SLC12A8: variants seen among roughly 807,000 people sequenced by gnomAD.
SLC12A8 encodes cation-chloride cotransporter 9.
A neutral mutation model predicts 75.6 loss-of-function variants in SLC12A8; 69 were observed. That is an observed-to-expected ratio of 0.91 (90% CI 0.75 to 1.11). The LOEUF is 1.11. Among genes scored for constraint, SLC12A8 ranks in the 50% most tolerant of loss-of-function variants. The pLI, the probability that SLC12A8 is intolerant of heterozygous loss-of-function variation, is 0.00. For synonymous variants in SLC12A8, 365 were observed against 372.8 expected, an observed-to-expected ratio of 0.98 and a Z score of 0.24; for missense variants, 877 against 896.7, an observed-to-expected ratio of 0.98 and a Z score of 0.28.
chr3:125,106,485 C>G (rs370468776), intron 10 of SLC12A8, among the ~76,000 whole-genome samples: 3 of 152,080 alleles, frequency 2.0e-5, no homozygotes, highest in Non-Finnish European at 4.4e-5. Context: ...GCCACTGCAA[C>G]CTCCGCCTCC....
intron 6 of SLC12A8, among the ~76,000 whole-genome samples, chr3:125,122,431 G>A (rs1473340296): frequency 6.6e-6 from 1 of 152,096 alleles, no homozygotes; most frequent in Non-Finnish European, 1.5e-5. Context: ...CCTATTAAGA[G>A]CATAGTAAAG....
At chr3:125,144,989 C>T (rs1933738914) in intron 5 of SLC12A8, among the ~76,000 whole-genome samples, 1 of 152,192 alleles carries the variant, frequency 6.6e-6, no homozygotes, top group African/African-American at 2.4e-5. Flanking sequence ...TCTCCCCCAC[C>T]CCAAGTCCTA....
chr3:125,188,101 G>A (rs1934832176), intron 3 of SLC12A8, among the ~76,000 whole-genome samples: 1 of 152,200 alleles, frequency 6.6e-6, no homozygotes, highest in East Asian at 1.9e-4. Context: ...AGGTGTTTGG[G>A]TCATGGGGGT....
intron 8 of SLC12A8, among the ~76,000 whole-genome samples, chr3:125,111,098 C>T (rs1939175469): frequency 6.6e-6 from 1 of 152,198 alleles, no homozygotes; most frequent in South Asian, 2.1e-4. Context: ...CTCAGTGCTC[C>T]ATAGCATCCC....
intron 5 of SLC12A8, among the ~76,000 whole-genome samples, chr3:125,159,304 C>T (rs1934113210): frequency 6.6e-6 from 1 of 152,070 alleles, no homozygotes; most frequent in Admixed American, 6.6e-5. Context: ...CTATGTTGCC[C>T]AGGCTAGTCT....
At chr3:125,123,371 GAA>G (rs34868769) in intron 6 of SLC12A8, among the ~76,000 whole-genome samples, 275 of 103,890 alleles carry the variant, frequency 2.6e-3, no homozygotes, top group African/African-American at 4.3e-3. Flanking sequence ...TCCATCTCAG[GAA>G]AAAAAAAAAA....
In SLC12A8 at chr3:125,187,288, G is replaced by A; in HGVS notation, c.339C>T (p.Val113=). 6.2e-7 allele frequency: 1 copy of A among 1,614,202 alleles called. No homozygotes were observed. The highest frequency in any genetic ancestry group is 1.3e-5 in the African/African-American group (1 of 75,054). ...TGGTGCCTCCCGTCTGCCCACCCAG[G>A]ACCGAGGAGATCATGGAGTAGACGC... ...SGGVYSMISS[V]LGGQTGGTIG... is the part of the protein sequence containing the mutation. Residue 113 remains valine (V), a synonymous_variant, in exon 4 of 14, where the codon GTC becomes GTT. Transcript: ENST00000469902.
At chr3:125,126,377 CA>C (rs1297072681) in intron 6 of SLC12A8, among the ~76,000 whole-genome samples, 1 of 152,162 alleles carries the variant, frequency 6.6e-6, no homozygotes, top group African/African-American at 2.4e-5. Flanking sequence ...TCACAGAAGA[CA>C]TAGAGGGCCA....
intron 5 of SLC12A8, among the ~76,000 whole-genome samples, chr3:125,166,784 C>A (rs761964145): frequency 4.6e-5 from 7 of 152,190 alleles, no homozygotes; most frequent in Non-Finnish European, 1.0e-4. Context: ...AAGCAAATTG[C>A]ACAATCATTC....
chr3:125,085,878 T>C (rs1938446461), intron 13 of SLC12A8, among the ~76,000 whole-genome samples: 1 of 151,552 alleles, frequency 6.6e-6, no homozygotes, highest in African/African-American at 2.4e-5. Flanking sequence ...ATCTGACCAA[T>C]CTCTATTTTA....
At chr3:125,116,291 G>T (rs1010378108) in intron 8 of SLC12A8, among the ~76,000 whole-genome samples, 1 of 152,228 alleles carries the variant, frequency 6.6e-6, no homozygotes, top group African/African-American at 2.4e-5. Flanking sequence ...CAGTAGCTTT[G>T]TTCCTTTATA....
intron 9 of SLC12A8, 92 bp downstream of exon 9, chr3:125,110,097 G>T (rs1939149047): frequency 1.5e-6 from 2 of 1,330,930 alleles, no homozygotes; most frequent in Admixed American, 4.2e-5. Context: ...CAGAGGCTCT[G>T]ATCAGAAAAG....
chr3:125,155,626 C>CGGGCACA (rs1443572221), intron 5 of SLC12A8, among the ~76,000 whole-genome samples: 2 of 128,916 alleles, frequency 1.6e-5, no homozygotes, highest in African/African-American at 2.7e-5. Context: ...AAAAAAGTAG[C>CGGGCACA]TGTAGTCCCA....
At chr3:125,121,895 T>C (rs967026563) in intron 6 of SLC12A8, among the ~76,000 whole-genome samples, 14 of 152,194 alleles carry the variant, frequency 9.2e-5, no homozygotes, top group African/African-American at 2.7e-4. Context: ...GTGCATATAC[T>C]GTCACCCAGC....
At chr3:125,204,742 G>A (rs560015) in intron 2 of SLC12A8, among the ~76,000 whole-genome samples, 135,959 of 152,220 alleles carry the variant, frequency 0.89, 60,784 homozygotes, top group South Asian at 0.95. Context: ...ATGCTCCTAA[G>A]ACAAAGAAAT....
chr3:125,094,280 A>ACCT (rs1938658422), intron 10 of SLC12A8, among the ~76,000 whole-genome samples: 1 of 151,660 alleles, frequency 6.6e-6, no homozygotes, highest in South Asian at 2.1e-4. Flanking sequence ...TCCATCACCT[A>ACCT]CCTCCCGCTT....
intron 2 of SLC12A8, among the ~76,000 whole-genome samples, chr3:125,196,150 C>T (rs1935005587): frequency 6.6e-6 from 1 of 152,046 alleles, no homozygotes; most frequent in African/African-American, 2.4e-5. Flanking sequence ...TTTACATATA[C>T]TCAAAATCAA....
At chr3:125,150,864 G>A (rs942823566) in intron 5 of SLC12A8, among the ~76,000 whole-genome samples, 1 of 152,140 alleles carries the variant, frequency 6.6e-6, no homozygotes. Context: ...CAAGGGCCTC[G>A]AAGACAGTAG....
intron 5 of SLC12A8, among the ~76,000 whole-genome samples, chr3:125,164,820 A>G (rs1934250460): frequency 1.3e-5 from 2 of 152,090 alleles, no homozygotes; most frequent in African/African-American, 2.4e-5. Context: ...ATACAGACCA[A>G]TGGGCCCACC....
Sources: allele counts gnomAD v4.1 joint callset (sites outside exome capture counted in the v4.1 genomes callset), GRCh38; gene constraint gnomAD v4.1.1; transcripts MANE v1.5; gene names NCBI Gene and HGNC (gene_info 2026-07-23, HGNC 2026-07-21).